Variants in PCLO observed in about 807,000 individuals in gnomAD.
PCLO encodes piccolo presynaptic cytomatrix protein.
In PCLO, 82 loss-of-function variants were observed where a neutral mutation model predicts 427.5. The ratio of observed to expected loss-of-function variants is 0.19; its 90% CI spans 0.16 to 0.23. The LOEUF (loss-of-function observed/expected upper bound fraction) is 0.23, where lower values mean the gene tolerates loss of function less well. PCLO is among the 10% of genes least tolerant of loss of function. The pLI, the probability that PCLO is intolerant of heterozygous loss-of-function variation, is 1.00. For missense variants in PCLO, 6,239 were observed against 6,115.9 expected (o/e 1.02, Z -0.67); for synonymous variants, 2,357 against 2,155.4 (o/e 1.09, Z -2.59).
At chr7:82,804,710 G>T (rs548886538) in intron 21 of PCLO, among the ~76,000 whole-genome samples, 1 of 152,260 alleles carries the variant, frequency 6.6e-6, no homozygotes, top group Admixed American at 6.5e-5. Flanking sequence ...AGGCACGGTT[G>T]TGTTCCAATA....
intron 10 of PCLO, among the ~76,000 whole-genome samples, chr7:82,858,037 T>C (rs1000465293): frequency 1.3e-5 from 2 of 152,146 alleles, no homozygotes; most frequent in Non-Finnish European, 2.9e-5. Flanking sequence ...TACAGACCAT[T>C]ATCCCTGATG....
intron 1 of PCLO, among the ~76,000 whole-genome samples, chr7:83,160,161 T>A (rs546355274): frequency 6.6e-6 from 1 of 152,178 alleles, no homozygotes; most frequent in Non-Finnish European, 1.5e-5. Context: ...CAACTTTTAA[T>A]TGATCCTCAA....
intron 2 of PCLO, among the ~76,000 whole-genome samples, chr7:83,140,145 G>C (rs760685964): frequency 3.9e-4 from 59 of 152,038 alleles, no homozygotes; most frequent in Non-Finnish European, 7.1e-4. Flanking sequence ...TGCTTTCTCA[G>C]TTACCCAAGT....
chr7:82,921,878 TAAC>T (rs1279073815), intron 6 of PCLO, among the ~76,000 whole-genome samples: 1 of 149,678 alleles, frequency 6.7e-6, no homozygotes, highest in Non-Finnish European at 1.5e-5. Flanking sequence ...ATAAGGCACT[TAAC>T]AAAAAAAAAC....
chr7:82,776,700 C>A (rs925269524), intron 22 of PCLO, among the ~76,000 whole-genome samples: 3 of 152,000 alleles, frequency 2.0e-5, no homozygotes, highest in Non-Finnish European at 2.9e-5. Context: ...GAGGCTGAAG[C>A]GGGAGAATCG....
At chr7:82,852,665 G>A (rs901329711) in intron 10 of PCLO, among the ~76,000 whole-genome samples, 1 of 151,972 alleles carries the variant, frequency 6.6e-6, no homozygotes, top group African/African-American at 2.4e-5. Context: ...CCTATCATGC[G>A]ACTTTATATT....
chr7:83,117,080 G>A lies in PCLO; in HGVS notation c.3300+17170C>T, dbSNP rs371614950. On this transcript the variant is annotated intron_variant, in intron 3 of 24. Coordinates refer to ENST00000333891, the MANE Select transcript of PCLO (RefSeq NM_033026.6). ...ATTCAGAGGACATTACATTAAAGAT[G>A]AAATTTTTAAAAGGAGTTACTGAAA... Among the ~76,000 whole-genome samples, 5 of 152,320 alleles carry A rather than the reference G, an allele frequency of 3.3e-5. No individual in the cohort carries two copies. In the East Asian group the frequency reaches 5.8e-4, roughly 18 times the overall value.
At chr7:83,024,934 T>C (rs544303679) in intron 3 of PCLO, among the ~76,000 whole-genome samples, 3,614 of 152,182 alleles carry the variant, frequency 0.024, 78 homozygotes, top group Non-Finnish European at 0.038. Context: ...AAAGGACATC[T>C]ACACCAAAAA....
In PCLO at chr7:83,050,227, A is replaced by AAAAAAAAAAAAAAAAAAAAAAAAAAAAAC. The variant is rs71074611; in HGVS notation, c.3301-83741_3301-83740insGTTTTTTTTTTTTTTTTTTTTTTTTTTTT. On this transcript the variant is annotated intron_variant, in intron 3 of 24. Transcript: ENST00000333891. ...AAAACTGAAAAAAAAAAAAAAAAAA[A>AAAAAAAAAAAAAAAAAAAAAAAAAAAAAC]AAAAAAAAAACACAAGCAAACAAAA... Among the ~76,000 whole-genome samples the AAAAAAAAAAAAAAAAAAAAAAAAAAAAAC allele has an allele frequency of 1.2e-4, 10 of 85,620 alleles. 1 individual carries two copies. The highest frequency in any genetic ancestry group is 1.9e-4 in the Non-Finnish European group (7 of 37,728). 56.2% of individuals were successfully genotyped at this position (85,620 alleles called of 152,430 possible). A position where few individuals can be genotyped will look rare whatever the true frequency, so the allele number is the denominator to read the frequency against.
At chr7:83,137,300 T>G (rs1416648312) in intron 2 of PCLO, among the ~76,000 whole-genome samples, 1 of 152,238 alleles carries the variant, frequency 6.6e-6, no homozygotes, top group East Asian at 1.9e-4. Context: ...AGTAAACTTA[T>G]GTTTGGAGAA....
intron 3 of PCLO, among the ~76,000 whole-genome samples, chr7:83,055,645 A>G (rs1789360632): frequency 6.6e-6 from 1 of 152,076 alleles, no homozygotes; most frequent in Non-Finnish European, 1.5e-5. Flanking sequence ...GGTATAAGTG[A>G]TTTTGCAAAT....
At chr7:83,002,253 T>G (rs571830826) in intron 3 of PCLO, among the ~76,000 whole-genome samples, 1 of 152,070 alleles carries the variant, frequency 6.6e-6, no homozygotes, top group East Asian at 1.9e-4. Flanking sequence ...CTCTCTCTGT[T>G]AAATACTGTT....
At chr7:82,801,483 T>C (rs1431978839) in intron 22 of PCLO, 35 bp downstream of exon 22, 1 of 1,123,936 alleles carries the variant, frequency 8.9e-7, no homozygotes, top group African/African-American at 1.5e-5. Context: ...GAATGCAGAT[T>C]CAGCCAAAAT....
intron 3 of PCLO, among the ~76,000 whole-genome samples, chr7:83,015,467 G>T (rs1276927193): frequency 2.0e-5 from 3 of 151,848 alleles, no homozygotes; most frequent in African/African-American, 7.3e-5. Flanking sequence ...CTATTTCTAT[G>T]TGATGTAGAT....
intron 2 of PCLO, among the ~76,000 whole-genome samples, chr7:83,143,645 A>C (rs1392440608): frequency 2.4e-5 from 3 of 122,978 alleles, no homozygotes; most frequent in South Asian, 2.7e-4. Flanking sequence ...GATTGCCCAA[A>C]AAAAAAAAAA....
chr7:83,087,012 G>C (rs1790252220), intron 3 of PCLO, among the ~76,000 whole-genome samples: 2 of 129,332 alleles, frequency 1.5e-5, no homozygotes, highest in Non-Finnish European at 3.1e-5. Context: ...GGTGGGAACT[G>C]AACAATGAAA....
chr7:82,827,934 TGGA>T lies in PCLO; in HGVS notation c.14279_14281del (p.Val4760_Gln4761delinsGlu). The T allele has an allele frequency of 6.2e-7, 1 of 1,604,072 alleles. No individual in the cohort carries two copies. The highest frequency in any genetic ancestry group is 1.1e-5 in the South Asian group (1 of 90,532). On this transcript the variant is annotated inframe_deletion, in exon 17 of 25. Transcript: ENST00000333891. ...ATTCCACTCAGGATTAAGACTTTTC[TGGA>T]CATGTTTAGTCCTTCTCTTGTACTC...
At chr7:83,042,653 G>A (rs1411893035) in intron 3 of PCLO, among the ~76,000 whole-genome samples, 5 of 152,100 alleles carry the variant, frequency 3.3e-5, no homozygotes, top group Non-Finnish European at 7.4e-5. Flanking sequence ...CTGAGGTCAG[G>A]AGTTCGACAC....
rs528720864 is a variant in PCLO at position 83,137,124 on chromosome 7, C to A, written c.1894-1468G>T. ...GGCACCAGACAAATTTCCCACAGTACAAAATTGCAAAGTGTTCAGCTGGCA... is the reference window on the plus strand; with the variant it reads ...GGCACCAGACAAATTTCCCACAGTAAAAAATTGCAAAGTGTTCAGCTGGCA... On this transcript the variant is annotated intron_variant, in intron 2 of 24. Coordinates refer to ENST00000333891, the MANE Select transcript of PCLO (RefSeq NM_033026.6). Among the ~76,000 whole-genome samples, 41 of 152,242 alleles carry A rather than the reference C, an allele frequency of 2.7e-4. No individual in the cohort carries two copies. In the East Asian group the frequency reaches 7.9e-3, roughly 29 times the overall value.
Sources: allele counts gnomAD v4.1 joint callset (sites outside exome capture counted in the v4.1 genomes callset), GRCh38; gene constraint gnomAD v4.1.1; transcripts MANE v1.5; gene names NCBI Gene and HGNC (gene_info 2026-07-23, HGNC 2026-07-21).